Variants in ART1 observed in about 807,000 individuals in gnomAD.
The protein encoded by ART1 is GPI-linked NAD(P)(+)--arginine ADP-ribosyltransferase 1.
In ART1, 29 loss-of-function variants were observed where a neutral mutation model predicts 27.0. The observed-to-expected ratio is 1.08, with a 90% CI of 0.80 to 1.47. The LOEUF (loss-of-function observed/expected upper bound fraction) is 1.47, where lower values mean the gene tolerates loss of function less well. Ranked by LOEUF, ART1 falls within the 40% of genes most tolerant of loss-of-function variation. The probability of loss-of-function intolerance (pLI) is 0.00; values close to 1 mark genes in which losing one functional copy is unlikely to be tolerated. For missense variants in ART1, 480 were observed against 423.0 expected, an observed-to-expected ratio of 1.13 and a Z score of -1.18; for synonymous variants, 201 against 172.2, an observed-to-expected ratio of 1.17 and a Z score of -1.31.
Position 3,664,123 on chromosome 11 carries a change from G to A in ART1, c.918G>A (p.Trp306Ter). Residue 306 changes from tryptophan to a stop codon, truncating the protein, a stop_gained, in exon 5 of 5, where the codon TGG (tryptophan) becomes TGA (stop). Transcript: ENST00000250693. LOFTEE classifies it low-confidence loss of function (END_TRUNC). ...GTCAGAGCCCCCTCTCTGCAGTCTG[G>A]TCTTTGCTGCTGCTGCTCTGGTTCC... ...AMGQSPLSAV[W>*]SLLLLLWFLV... 1 of 1,613,942 alleles carries A rather than the reference G, an allele frequency of 6.2e-7. No homozygotes were observed. The highest frequency in any genetic ancestry group is 8.5e-7 in the Non-Finnish European group (1 of 1,179,994).
chr11:3,659,557 A>C, intron 2 of ART1, 26 bp from the exon 3 acceptor site: 1 of 1,561,766 alleles, frequency 6.4e-7, no homozygotes, highest in Non-Finnish European at 8.6e-7. Context: ...CTATCCTCTC[A>C]GTCCCTGCTA....
chr11:3,650,944 T>C (rs202246921), intron 1 of ART1, among the ~76,000 whole-genome samples: 74,950 of 142,022 alleles, frequency 0.53, 20,076 homozygotes, highest in Admixed American at 0.71. Flanking sequence ...TCCCACAGCA[T>C]GCTTTGAAAG....
At chr11:3,658,805 C>T (rs942985507) in intron 1 of ART1, among the ~76,000 whole-genome samples, 2 of 152,190 alleles carry the variant, frequency 1.3e-5, no homozygotes, top group East Asian at 3.8e-4. Flanking sequence ...ACGTTCCTAC[C>T]CCGCAAGCTC....
intron 1 of ART1, among the ~76,000 whole-genome samples, chr11:3,649,564 T>G (rs1174810916): frequency 6.6e-6 from 1 of 152,152 alleles, no homozygotes; most frequent in Admixed American, 6.5e-5. Flanking sequence ...GTCTGACGTC[T>G]CCCCTCCTCC....
At position 3,659,921 on chromosome 11, in the gene ART1, C is replaced by T. The variant is rs757425295; in HGVS notation, c.402C>T (p.Ala134=). 74 of 1,613,010 alleles carry T rather than the reference C, an allele frequency of 4.6e-5. No homozygotes were observed. Among genetic ancestry groups the T allele is most frequent in the Admixed American group, 6.7e-5 (4 of 59,942 alleles). ...CCCTGCACAAGGAGTTCAATGCAGC[C>T]GTGCGTGAGGCGGGCCGCTCCCGGG... ...NSPLHKEFNA[A]VREAGRSRAH... is the part of the protein sequence containing the mutation. Residue 134 remains alanine, a synonymous_variant, in exon 3 of 5, where the codon GCC becomes GCT. Coordinates refer to ENST00000250693, the MANE Select transcript of ART1 (RefSeq NM_004314.3).
chr11:3,649,033 T>A (rs1166605450), intron 1 of ART1, among the ~76,000 whole-genome samples: 1 of 151,636 alleles, frequency 6.6e-6, no homozygotes, highest in Admixed American at 6.6e-5. Context: ...CGACCTCTTA[T>A]CTCTGCGCCC....
chr11:3,656,580 C>T (rs1269689048), intron 1 of ART1, among the ~76,000 whole-genome samples: 2 of 152,040 alleles, frequency 1.3e-5, no homozygotes, highest in Non-Finnish European at 2.9e-5. Flanking sequence ...TGGGGTTTCA[C>T]CACGTTGGCC....
rs749057121 is a variant in ART1 at position 3,661,453 on chromosome 11, G to A, written c.886+40G>A. The A allele has an allele frequency of 9.8e-6, 14 of 1,429,820 alleles. No homozygotes were observed. The Admixed American group carries it at 2.1e-4, about 22-fold the overall frequency. The allele number at this position is 1,429,820 out of a possible 1,614,324, so 88.6% of individuals were successfully genotyped here. A position where few individuals can be genotyped will look rare whatever the true frequency, so the allele number is the denominator to read the frequency against. Reference sequence around the variant, plus strand: ...CACCTGTGGGACTCAGTTCAGGGATGAGCAGGCTGCTCTGGGGTTGGCCCC... The same window carrying A: ...CACCTGTGGGACTCAGTTCAGGGATAAGCAGGCTGCTCTGGGGTTGGCCCC... On this transcript the variant is annotated intron_variant, in intron 4 of 4. Transcript: ENST00000250693.
At chr11:3,663,613 G>A (rs1170767830) in intron 4 of ART1, among the ~76,000 whole-genome samples, 2 of 152,022 alleles carry the variant, frequency 1.3e-5, no homozygotes, top group African/African-American at 2.4e-5. Flanking sequence ...TTTTTGAGAC[G>A]TGGTCTCAGT....
chr11:3,663,209 C>G (rs2077636774), intron 4 of ART1, among the ~76,000 whole-genome samples: 1 of 151,904 alleles, frequency 6.6e-6, no homozygotes. Flanking sequence ...GAGGCATTAC[C>G]CCCCTTATAT....
rs747616456 is a variant in ART1, at chr11:3,660,271, T to G, written c.752T>G (p.Val251Gly). The G allele has an allele frequency of 6.2e-7, 1 of 1,612,732 alleles. No homozygotes were observed. Among genetic ancestry groups the G allele is most frequent in the South Asian group, 1.1e-5 (1 of 91,070 alleles). ...VLIPPFETFQ[V>G]INASRLAQGP... ...ATCCCCCCCTTTGAGACCTTCCAAG[T>G]GATCAATGCCAGCAGACTGGCCCAG... is the stretch of plus-strand genomic sequence containing the variant. Residue 251 changes from valine (V) to glycine (G), a missense_variant, in exon 3 of 5, where the codon GTG becomes GGG. Physicochemically the swap from Val to Gly is moderately radical, Grantham distance 109. Transcript: ENST00000250693.
chr11:3,661,325 C>T, intron 3 of ART1, 47 bp from the exon 4 acceptor site: 2 of 1,580,224 alleles, frequency 1.3e-6, no homozygotes, highest in South Asian at 2.3e-5. Flanking sequence ...CCCTTTCCAT[C>T]CTGACAGCTC....
chr11:3,659,276 G>T lies in ART1; in HGVS notation c.63G>T (p.Gln21His), dbSNP rs556000789. 3 of 1,614,146 alleles carry T rather than the reference G, an allele frequency of 1.9e-6. No individual in the cohort carries two copies. In the African/African-American group the frequency reaches 4.0e-5, roughly 22 times the overall value. The change falls in exon 2 of 5, where the codon CAG becomes CAT. Residue 21 changes from glutamine (Q) to histidine (H), a missense_variant and splice_region_variant. Transcript: ENST00000250693. Reference protein sequence around the residue: ...LVSVGLMEALQAQSHPITRRD... With the variant: ...LVSVGLMEALHAQSHPITRRD... ...CTGTGGGCCTCATGGAAGCACTTCA[G>T]GTATGGGCATCCCCCACTGTTCCCA...
chr11:3,650,570 A>G (rs2077512936), intron 1 of ART1, among the ~76,000 whole-genome samples: 2 of 152,164 alleles, frequency 1.3e-5, no homozygotes, highest in East Asian at 1.9e-4. Flanking sequence ...CCTTGCTTCC[A>G]TAACTGTTGT....
intron 1 of ART1, among the ~76,000 whole-genome samples, chr11:3,651,281 A>G (rs1259301635): frequency 1.3e-5 from 2 of 149,654 alleles, no homozygotes; most frequent in Non-Finnish European, 3.0e-5. Flanking sequence ...GGCTCAGCAA[A>G]TTACCTGGGC....
intron 1 of ART1, chr11:3,655,632 G>C (rs150492634): frequency 6.6e-6 from 1 of 152,190 alleles, no homozygotes; most frequent in Non-Finnish European, 1.5e-5. Context: ...CCGGGAATAT[G>C]GGCTGAGGAA....
At chr11:3,648,344 A>T (rs764470202) in intron 1 of ART1, among the ~76,000 whole-genome samples, 16 of 152,246 alleles carry the variant, frequency 1.1e-4, no homozygotes, top group Non-Finnish European at 2.4e-4. Context: ...GACCTCCCTT[A>T]GGAGATCAAT....
intron 2 of ART1, 124 bp from the exon 3 acceptor site, chr11:3,659,459 C>A: frequency 1.5e-6 from 2 of 1,368,108 alleles, no homozygotes; most frequent in African/African-American, 1.5e-5. Flanking sequence ...TTCCCAATCC[C>A]CTTCCCCACC....
intron 1 of ART1, among the ~76,000 whole-genome samples, chr11:3,653,367 G>A (rs1023249079): frequency 1.3e-5 from 2 of 148,246 alleles, no homozygotes; most frequent in African/African-American, 2.6e-5. Context: ...CTTAACTGAT[G>A]ACATTGTCTT....
Sources: allele counts gnomAD v4.1 joint callset (sites outside exome capture counted in the v4.1 genomes callset), GRCh38; gene constraint gnomAD v4.1.1; transcripts MANE v1.5; gene names NCBI Gene and HGNC (gene_info 2026-07-23, HGNC 2026-07-21).